Variants in CLEC4M observed in about 807,000 individuals in gnomAD.
CLEC4M encodes CD209 antigen-like protein 1.
Under a neutral mutation model 39.1 loss-of-function variants are expected in CLEC4M, and 25 were observed. That is an observed-to-expected ratio of 0.64 (90% CI 0.47 to 0.89). The LOEUF is 0.89. Among genes scored for constraint, CLEC4M ranks in the 40% least tolerant of loss-of-function variants. The pLI is 0.00. For synonymous variants in CLEC4M, 155 were observed against 177.4 expected, an observed-to-expected ratio of 0.87 and a Z score of 1.00; for missense variants, 353 against 431.4, an observed-to-expected ratio of 0.82 and a Z score of 1.61.
rs1312999372 is a variant in CLEC4M at position 7,765,295 on chromosome 19, G to T, written c.214+27G>T. ...TCAGGGGCAGGTTCTGAGGGTCTGGGGTCCCCAGGCCTGGCCTTTTGGCTA... is the reference window on the plus strand; with the variant it reads ...TCAGGGGCAGGTTCTGAGGGTCTGGTGTCCCCAGGCCTGGCCTTTTGGCTA... On this transcript the variant is annotated intron_variant, in intron 3 of 6. Coordinates refer to ENST00000327325, the MANE Select transcript of CLEC4M (RefSeq NM_014257.5). 3 of 1,613,016 alleles carry T rather than the reference G, an allele frequency of 1.9e-6. No homozygotes were observed. The African/African-American group carries it at 4.0e-5, about 22-fold the overall frequency.
In CLEC4M at chr19:7,765,732, C is replaced by T; in HGVS notation, c.309C>T (p.Leu103=). Residue 103 remains leucine, a synonymous_variant, in exon 4 of 7, where the codon CTC becomes CTT. Coordinates refer to ENST00000327325, the MANE Select transcript of CLEC4M (RefSeq NM_014257.5). ...LTQLKAAVGE[L]SEKSKLQEIY... The stretch of plus-strand genomic sequence containing the variant: ...AGCTTAAAGCTGCAGTGGGTGAGCT[C>T]TCAGAGAAATCCAAGCTGCAGGAGA... 6.2e-7 allele frequency: 1 copy of T among 1,613,084 alleles called. No homozygotes were observed. The highest frequency in any genetic ancestry group is 1.1e-5 in the South Asian group (1 of 91,018).
intron 2 of CLEC4M, 38 bp downstream of exon 2, chr19:7,763,514 G>A: frequency 1.3e-6 from 2 of 1,567,136 alleles, no homozygotes; most frequent in South Asian, 2.2e-5. Flanking sequence ...GGAAGACAGA[G>A]CCTCCCAGAC....
chr19:7,764,515 G>C (rs1472196673), intron 2 of CLEC4M, among the ~76,000 whole-genome samples: 2 of 151,758 alleles, frequency 1.3e-5, no homozygotes, highest in African/African-American at 4.8e-5. Context: ...TTGAGACAGA[G>C]TCTTGCTCTG....
Position 7,763,276 on chromosome 19 carries a change from T to C in CLEC4M, c.10T>C (p.Ser4Pro). ...GGGACAGCGGGAAAACATGAGTGACTCCAAGGAACCAAGGGTGCAGCAGCT... is the reference window on the plus strand; with the variant it reads ...GGGACAGCGGGAAAACATGAGTGACCCCAAGGAACCAAGGGTGCAGCAGCT... MSD[S>P]KEPRVQQLGL... The change falls in exon 1 of 7, where the codon TCC becomes CCC. Residue 4 changes from serine (S) to proline (P), a missense_variant. Ser to Pro is a moderately conservative substitution (Grantham distance 74, BLOSUM62 -1). Around this residue, in one of 4 missense-constraint regions of CLEC4M, gnomAD observed 91 missense variants for 77.8 expected, o/e 1.17. Coordinates refer to ENST00000327325, the MANE Select transcript of CLEC4M (RefSeq NM_014257.5). The C allele has an allele frequency of 6.2e-7, 1 of 1,603,416 alleles. No homozygotes were observed. Among genetic ancestry groups the C allele is most frequent in the Non-Finnish European group, 8.5e-7 (1 of 1,175,338 alleles).
In CLEC4M at chr19:7,765,221, T is replaced by A. The variant is rs2034198469; in HGVS notation, c.167T>A (p.Leu56His). 6.2e-7 allele frequency: 1 copy of A among 1,613,942 alleles called. No homozygotes were observed. The highest frequency in any genetic ancestry group is 1.1e-5 in the South Asian group (1 of 91,082). The change falls in exon 3 of 7, where the codon CTC becomes CAC. Residue 56 changes from leucine (L) to histidine (H), a missense_variant. By Grantham distance (99) the Leu-to-His change is moderately conservative (BLOSUM62 -3). Around this residue, in one of 4 missense-constraint regions of CLEC4M, gnomAD observed 91 missense variants for 77.8 expected, o/e 1.17. Transcript: ENST00000327325. ...LGHGALVLQL[L>H]SFMLLAGVLV... ...CATGGCGCCCTGGTGCTGCAACTCC[T>A]CTCCTTCATGCTCTTGGCTGGGGTC...
At chr19:7,765,425 C>G in intron 3 of CLEC4M, 157 bp downstream of exon 3, 2 of 1,140,366 alleles carry the variant, frequency 1.8e-6, no homozygotes, top group Middle Eastern at 2.0e-4. Flanking sequence ...CCTCCCCACT[C>G]TAGAGCAGGA....
Position 7,765,677 on chromosome 19 carries a change from A to G in CLEC4M, c.254A>G (p.Glu85Gly), listed in dbSNP as rs2034228521. The change falls in exon 4 of 7, where the codon GAG (glutamate) becomes GGG (glycine). Residue 85 changes from glutamate to glycine, a missense_variant. Physicochemically the swap from Glu to Gly is moderately conservative, Grantham distance 98. Around this residue, in one of 4 missense-constraint regions of CLEC4M, gnomAD observed 48 missense variants for 64.8 expected, o/e 0.74. Transcript: ENST00000327325. ...AGCTCCCTAAGTCAGGAACAATCCG[A>G]GCAAGACGCAATCTACCAGAACCTG... ...VPSSLSQEQS[E>G]QDAIYQNLTQ... 2 of 1,614,276 alleles carry G rather than the reference A, an allele frequency of 1.2e-6. No homozygotes were observed. Among genetic ancestry groups the G allele is most frequent in the Non-Finnish European group, 1.7e-6 (2 of 1,180,054 alleles).
At chr19:7,766,967 A>G in intron 5 of CLEC4M, 160 bp downstream of exon 5, 1 of 1,265,416 alleles carries the variant, frequency 7.9e-7, no homozygotes, top group Non-Finnish European at 1.1e-6. Context: ...CCCTTCAAGC[A>G]AATACAAACC....
intron 5 of CLEC4M, 101 bp from the exon 6 acceptor site, chr19:7,767,415 G>A: frequency 1.2e-6 from 1 of 835,954 alleles, no homozygotes; most frequent in East Asian, 2.5e-5. Context: ...TCAGAAAACT[G>A]CAGGTTAACT....
Position 7,765,229 on chromosome 19 carries a change from A to T in CLEC4M, c.175A>T (p.Met59Leu). 1 of 1,614,002 alleles carries T rather than the reference A, an allele frequency of 6.2e-7. No individual in the cohort carries two copies. The highest frequency in any genetic ancestry group is 8.5e-7 in the Non-Finnish European group (1 of 1,179,972). ...CCTGGTGCTGCAACTCCTCTCCTTC[A>T]TGCTCTTGGCTGGGGTCCTGGTGGC... ...GALVLQLLSFMLLAGVLVAIL... is the reference protein window; with the variant it reads ...GALVLQLLSFLLLAGVLVAIL... The change falls in exon 3 of 7, where the codon ATG becomes TTG. Residue 59 changes from methionine to leucine, a missense_variant. Met to Leu is a conservative substitution (Grantham distance 15). Transcript: ENST00000327325.
rs148569581 is a variant in CLEC4M, at chr19:7,768,934, C to T, written c.1146C>T (p.Asp382=). 4.4e-5 allele frequency: 71 copies of T among 1,614,102 alleles called. No homozygotes were observed. The highest frequency in any genetic ancestry group is 5.6e-5 in the Non-Finnish European group (66 of 1,179,978). Reference sequence around the variant, plus strand: ...GTGGCTGGAACGACAATCGATGTGACGTTGACAATTACTGGATCTGCAAAA... The same window carrying T: ...GTGGCTGGAACGACAATCGATGTGATGTTGACAATTACTGGATCTGCAAAA... ...SGSGWNDNRC[D]VDNYWICKKP... is the part of the protein sequence containing the mutation. The change falls in exon 7 of 7, where the codon GAC becomes GAT. Residue 382 remains aspartate, a synonymous_variant. Coordinates refer to ENST00000327325, the MANE Select transcript of CLEC4M (RefSeq NM_014257.5).
At chr19:7,766,336 G>C in intron 4 of CLEC4M, 129 bp downstream of exon 4, 1 of 1,502,548 alleles carries the variant, frequency 6.7e-7, no homozygotes, top group Non-Finnish European at 8.9e-7. Context: ...GGGTAACTGC[G>C]ATCATTGCAC....
Position 7,769,287 on chromosome 19 carries a change from A to T in CLEC4M, c.*299A>T, listed in dbSNP as rs2034419793. The T allele has an allele frequency of 3.8e-6, 1 of 265,536 alleles. No homozygotes were observed. The highest frequency in any genetic ancestry group is 7.4e-6 in the Non-Finnish European group (1 of 134,766). The allele number at this position is 265,536 out of a possible 1,614,324, so 16.4% of individuals were successfully genotyped here. A position where few individuals can be genotyped will look rare whatever the true frequency, so the allele number is the denominator to read the frequency against. ...AATCCACTCTCTGTTCCTTTTGGAG[A>T]TTAGACTATTTGGATTCATGTGTAG... is the stretch of plus-strand genomic sequence containing the variant. On this transcript the variant is annotated 3_prime_UTR_variant, in exon 7 of 7. Transcript: ENST00000327325.
At position 7,767,549 on chromosome 19, in the gene CLEC4M, C is replaced by A. The variant is rs752738017; in HGVS notation, c.970C>A (p.Arg324Ser). The A allele has an allele frequency of 3.1e-6, 5 of 1,614,176 alleles. No individual in the cohort carries two copies. The highest frequency in any genetic ancestry group is 4.2e-6 in the Non-Finnish European group (5 of 1,180,008). The change falls in exon 6 of 7, where the codon CGC (arginine) becomes AGC (serine). Residue 324 changes from arginine to serine, a missense_variant. Transcript: ENST00000327325. ...ACAGCTGCAGACTTCCAGGAGTAACCGCTTCTCCTGGATGGGACTTTCAGA... is the reference window on the plus strand; with the variant it reads ...ACAGCTGCAGACTTCCAGGAGTAACAGCTTCTCCTGGATGGGACTTTCAGA... ...FLQLQTSRSNRFSWMGLSDLN... is the reference protein window; with the variant it reads ...FLQLQTSRSNSFSWMGLSDLN...
intron 4 of CLEC4M, 159 bp downstream of exon 4, chr19:7,766,366 A>G (rs1236590438): frequency 3.4e-6 from 5 of 1,479,114 alleles, no homozygotes; most frequent in Non-Finnish European, 4.5e-6. Context: ...ACAGTGGGCC[A>G]GGCACACAGT....
At chr19:7,766,982 C>A in intron 5 of CLEC4M, 175 bp downstream of exon 5, 1 of 1,115,510 alleles carries the variant, frequency 9.0e-7, no homozygotes, top group Non-Finnish European at 1.2e-6. Flanking sequence ...CAAACCAGAT[C>A]TGAACACATG....
rs751306873 is a variant in CLEC4M, at chr19:7,766,185, G to C, written c.762G>C (p.Leu254=). The change falls in exon 4 of 7, where the codon CTG becomes CTC. Residue 254 remains leucine, a synonymous_variant. Coordinates refer to ENST00000327325, the MANE Select transcript of CLEC4M (RefSeq NM_014257.5). ...AGCAGCAGCAAATCTATCAAGAACT[G>C]ACCGATTTGAAGACTGCATTTGGTG... The part of the protein sequence containing the change: ...QSKQQQIYQE[L]TDLKTAFERL... 1.2e-5 allele frequency: 19 copies of C among 1,614,104 alleles called. No individual in the cohort carries two copies. In the African/African-American group the frequency reaches 2.5e-4, roughly 22 times the overall value.
chr19:7,767,349 A>AT, intron 5 of CLEC4M, 167 bp from the exon 6 acceptor site: 1 of 594,722 alleles, frequency 1.7e-6, no homozygotes, highest in Non-Finnish European at 3.0e-6. Context: ...CACACATGCC[A>AT]TGGGGATACA....
At chr19:7,767,706 TC>T in intron 6 of CLEC4M, 78 bp downstream of exon 6, 109 of 1,308,984 alleles carry the variant, frequency 8.3e-5, no homozygotes, top group Non-Finnish European at 9.8e-5. Context: ...TCCCTGGGGG[TC>T]CCCCCCAACC....
Sources: gnomAD v4.1 joint callset for allele counts (sites outside exome capture counted in the v4.1 genomes callset) on GRCh38, gnomAD v4.1.1 for gene constraint, gnomAD v4.1.1 regional missense constraint, MANE v1.5 for transcripts, NCBI Gene and HGNC (gene_info 2026-07-23, HGNC 2026-07-21) for gene names.